Variants in STX2 observed in about 807,000 individuals in gnomAD.
STX2 encodes the protein syntaxin 2, also known as syntaxin-2.
STX2 carries 27 observed loss-of-function variants against 40.6 expected under a neutral mutation model. The ratio of observed to expected loss-of-function variants is 0.66; its 90% confidence interval spans 0.49 to 0.92. The LOEUF is 0.92. Among genes scored for constraint, STX2 ranks in the 40% least tolerant of loss-of-function variants. The probability of loss-of-function intolerance (pLI) is 0.00; values close to 1 mark genes in which losing one functional copy is unlikely to be tolerated. For missense variants in STX2, 328 were observed against 366.1 expected (o/e 0.90, Z 0.85); for synonymous variants, 123 against 119.1 (o/e 1.03, Z -0.22).
intron 1 of STX2, among the ~76,000 whole-genome samples, chr12:130,829,901 C>T (rs1486317990): frequency 2.0e-5 from 3 of 152,160 alleles, no homozygotes; most frequent in African/African-American, 7.2e-5. Context: ...GAGCCCCGGG[C>T]CATAAAAGTG....
At chr12:130,837,106 C>CT (rs71951784) in intron 1 of STX2, among the ~76,000 whole-genome samples, 3,220 of 139,808 alleles carry the variant, frequency 0.023, 99 homozygotes, top group African/African-American at 0.07. Context: ...TGACATTGAG[C>CT]TTTTTTTTTT....
chr12:130,818,193 T>TATATATATATATATATAC (rs1951956961), intron 3 of STX2, among the ~76,000 whole-genome samples: 1 of 62,764 alleles, frequency 1.6e-5, no homozygotes, highest in African/African-American at 8.5e-5. Context: ...AAAATATATA[T>TATATATATATATATATAC]ATATATATAT....
intron 1 of STX2, among the ~76,000 whole-genome samples, chr12:130,837,509 C>A (rs2136375532): frequency 6.6e-6 from 1 of 152,318 alleles, no homozygotes; most frequent in Admixed American, 6.5e-5. Flanking sequence ...GTCTCCAACT[C>A]CTGACCTCAA....
At chr12:130,830,075 G>T (rs981339348) in intron 1 of STX2, among the ~76,000 whole-genome samples, 1 of 152,194 alleles carries the variant, frequency 6.6e-6, no homozygotes, top group Non-Finnish European at 1.5e-5. Flanking sequence ...AGCCCTCAGT[G>T]TCGCCATCAC....
At chr12:130,839,029 C>T (rs1952833168) in intron 1 of STX2, 41 bp downstream of exon 1, 1 of 1,324,378 alleles carries the variant, frequency 7.6e-7, no homozygotes, top group South Asian at 1.9e-5. Flanking sequence ...CCAGACGCCG[C>T]CCCGGCCGGG....
rs976760575 is a variant in STX2 at position 130,791,796 on chromosome 12, G to A, written c.*227C>T. 3 of 1,027,692 alleles carry A rather than the reference G, an allele frequency of 2.9e-6. No individual in the cohort carries two copies. The Admixed American group carries it at 5.9e-5, about 20-fold the overall frequency. The allele number at this position is 1,027,692 out of a possible 1,614,324, so 63.7% of individuals were successfully genotyped here. A position where few individuals can be genotyped will look rare whatever the true frequency, so the allele number is the denominator to read the frequency against. On this transcript the variant is annotated 3_prime_UTR_variant, in exon 11 of 11. Transcript: ENST00000392373. ...ATACATTACAAGGTCAGCACTCGAT[G>A]CCGGGTTACAGCGTCTGAGATTCAT...
intron 1 of STX2, among the ~76,000 whole-genome samples, chr12:130,830,340 A>C (rs1416279308): frequency 6.6e-6 from 1 of 151,694 alleles, no homozygotes; most frequent in Non-Finnish European, 1.5e-5. Context: ...TGCACCCCCC[A>C]CAGTGGCGTG....
At position 130,812,970 on chromosome 12, in the gene STX2, T is replaced by G; in HGVS notation, c.267A>C (p.Arg89=). Residue 89 remains arginine (R), a synonymous_variant, in exon 4 of 11, where the codon CGA becomes CGC. Coordinates refer to ENST00000392373, the MANE Select transcript of STX2 (RefSeq NM_194356.4). ...CTTCAAACTTACCCTTTAACTTGGCTCGAATTTTATTCGCAGTTTTCTTGA... is the reference window on the plus strand; with the variant it reads ...CTTCAAACTTACCCTTTAACTTGGCGCGAATTTTATTCGCAGTTTTCTTGA... ...KEIKKTANKI[R]AKLKAIEQSF... 6.4e-7 allele frequency: 1 copy of G among 1,552,846 alleles called. No individual in the cohort carries two copies. Among genetic ancestry groups the G allele is most frequent in the African/African-American group, 1.4e-5 (1 of 71,698 alleles).
chr12:130,792,339 G>T (rs537073477), intron 10 of STX2, among the ~76,000 whole-genome samples: 9 of 152,196 alleles, frequency 5.9e-5, no homozygotes, highest in Admixed American at 5.9e-4. Context: ...GATTACAGGC[G>T]TGAGGCACCA....
At position 130,839,114 on chromosome 12, in the gene STX2, CAG is replaced by C; in HGVS notation, c.-17_-16del. On this transcript the variant is annotated 5_prime_UTR_variant, in exon 1 of 11. Transcript: ENST00000392373. The stretch of plus-strand genomic sequence containing the variant: ...CGGTCCCGCATCCCCGCCGGCCGGG[CAG>C]CGCGCCCCGCCGCTCAAGCCTGTCC... 2 of 1,264,492 alleles carry C rather than the reference CAG, an allele frequency of 1.6e-6. No individual in the cohort carries two copies. Among genetic ancestry groups the C allele is most frequent in the Non-Finnish European group, 2.0e-6 (2 of 1,004,532 alleles). 78.3% of individuals were successfully genotyped at this position (1,264,492 alleles called of 1,614,324 possible). A position where few individuals can be genotyped will look rare whatever the true frequency, so the allele number is the denominator to read the frequency against.
At chr12:130,795,421 C>T (rs1950997878) in intron 10 of STX2, among the ~76,000 whole-genome samples, 1 of 152,166 alleles carries the variant, frequency 6.6e-6, no homozygotes, top group Non-Finnish European at 1.5e-5. Flanking sequence ...GGATCCACTA[C>T]ATGTAAAGAG....
intron 6 of STX2, among the ~76,000 whole-genome samples, chr12:130,802,860 C>T (rs1951285043): frequency 6.6e-6 from 1 of 152,170 alleles, no homozygotes; most frequent in African/African-American, 2.4e-5. Flanking sequence ...AGTCACAGAA[C>T]ACATAGTGTA....
intron 3 of STX2, among the ~76,000 whole-genome samples, chr12:130,816,236 C>G (rs371302031): frequency 6.6e-6 from 1 of 152,200 alleles, no homozygotes. Context: ...CTTGAGCCAC[C>G]GCGCAGCCAC....
intron 3 of STX2, among the ~76,000 whole-genome samples, chr12:130,819,629 T>C (rs752228604): frequency 8.6e-5 from 13 of 151,832 alleles, no homozygotes; most frequent in Admixed American, 7.2e-4. Flanking sequence ...AGGTAAATTA[T>C]TCAAAAAAAA....
intron 1 of STX2, among the ~76,000 whole-genome samples, chr12:130,837,493 A>G (rs1236697660): frequency 6.6e-6 from 1 of 152,200 alleles, no homozygotes; most frequent in Non-Finnish European, 1.5e-5. Flanking sequence ...CATGTTGGCC[A>G]GGCTAGTCTC....
At chr12:130,799,790 G>A (rs1422083919) in intron 8 of STX2, among the ~76,000 whole-genome samples, 1 of 145,690 alleles carries the variant, frequency 6.9e-6, no homozygotes. Flanking sequence ...CTCCAACCTG[G>A]GCAACAGAGC....
chr12:130,832,716 C>T (rs1952615960), intron 1 of STX2, among the ~76,000 whole-genome samples: 1 of 152,206 alleles, frequency 6.6e-6, no homozygotes, highest in Admixed American at 6.5e-5. Context: ...AAGAGAAACC[C>T]TCAGGATCTC....
intron 1 of STX2, among the ~76,000 whole-genome samples, chr12:130,830,572 A>C (rs772559464): frequency 2.0e-5 from 3 of 152,138 alleles, no homozygotes. Flanking sequence ...CTATTGTCTT[A>C]TTTCTTATTC....
intron 1 of STX2, among the ~76,000 whole-genome samples, chr12:130,830,321 G>A (rs76877222): frequency 0.024 from 3,610 of 152,286 alleles, 150 homozygotes; most frequent in African/African-American, 0.081. Flanking sequence ...ACCGTCCCAT[G>A]CTGTGTGATG....
Sources: allele counts gnomAD v4.1 joint callset (sites outside exome capture counted in the v4.1 genomes callset), GRCh38; gene constraint gnomAD v4.1.1; transcripts MANE v1.5; gene names NCBI Gene and HGNC (gene_info 2026-07-23, HGNC 2026-07-21).